The following PRKN variants were observed in gnomAD, a reference collection of about 807,000 sequenced individuals.
PRKN encodes the protein E3 ubiquitin-protein ligase parkin.
In PRKN, 56 loss-of-function variants were observed where a neutral mutation model predicts 59.5. The observed-to-expected ratio is 0.94, with a 90% CI of 0.76 to 1.18. PRKN has a LOEUF of 1.18. Among genes scored for constraint, PRKN ranks in the 50% most tolerant of loss-of-function variants. The pLI, the probability that PRKN is intolerant of heterozygous loss-of-function variation, is 0.00. For synonymous variants in PRKN, 250 were observed against 222.1 expected (o/e 1.13, Z -1.12); for missense variants, 657 against 596.4 (o/e 1.10, Z -1.06).
chr6:162,436,753 T>C (rs1789791688), intron 2 of PRKN, among the ~76,000 whole-genome samples: 1 of 149,844 alleles, frequency 6.7e-6, no homozygotes, highest in Non-Finnish European at 1.5e-5. Context: ...TAAATACTCA[T>C]CATGTCTATT....
At chr6:161,491,315 G>A (rs972468012) in intron 9 of PRKN, among the ~76,000 whole-genome samples, 2 of 152,128 alleles carry the variant, frequency 1.3e-5, no homozygotes, top group South Asian at 2.1e-4. Flanking sequence ...AGGCTTTCTC[G>A]ATTGCTCTGT....
intron 4 of PRKN, among the ~76,000 whole-genome samples, chr6:162,161,461 T>C (rs1470478355): frequency 6.6e-6 from 1 of 152,152 alleles, no homozygotes; most frequent in Admixed American, 6.5e-5. Flanking sequence ...AAATATAAAA[T>C]GAAAAATTTA....
At chr6:162,523,938 G>A (rs984685136) in intron 1 of PRKN, among the ~76,000 whole-genome samples, 5 of 152,130 alleles carry the variant, frequency 3.3e-5, no homozygotes, top group Non-Finnish European at 7.4e-5. Flanking sequence ...TAGTGTGAGT[G>A]TGAATAAGCA....
chr6:162,356,749 A>T (rs75418788), intron 2 of PRKN, among the ~76,000 whole-genome samples: 146 of 66,746 alleles, frequency 2.2e-3, no homozygotes, highest in African/African-American at 0.015. Context: ...ATTATTAGTA[A>T]AAAAAAAAAA....
chr6:161,809,105 T>C (rs1791456480), intron 6 of PRKN, among the ~76,000 whole-genome samples: 1 of 152,190 alleles, frequency 6.6e-6, no homozygotes, highest in African/African-American at 2.4e-5. Context: ...CCTCCCAAAG[T>C]ACTGGGATTA....
In PRKN at chr6:162,279,309, T is replaced by C. The variant is rs563601175; in HGVS notation, c.172-16544A>G. On this transcript the variant is annotated intron_variant, in intron 2 of 11. Transcript: ENST00000366898. ...GCTGACATTGCACCATTGCACTCCA[T>C]CCAGCCTGGACGACAGAGACTCCAT... 2.0e-5 allele frequency among the ~76,000 whole-genome samples: 3 copies of C among 146,904 alleles called. No individual in the cohort carries two copies. The Admixed American group carries it at 2.1e-4, about 10-fold the overall frequency.
intron 9 of PRKN, among the ~76,000 whole-genome samples, chr6:161,537,506 T>C (rs181432806): frequency 1.6e-3 from 237 of 152,028 alleles, no homozygotes; most frequent in Non-Finnish European, 2.2e-3. Flanking sequence ...GGCTGGAGTT[T>C]AGTGGCGTGA....
rs375932740 is a variant in PRKN, at chr6:162,179,074, G to A, written c.534+22057C>T. Among the ~76,000 whole-genome samples, 44 of 152,200 alleles carry A rather than the reference G, an allele frequency of 2.9e-4. 1 individual carries two copies. Among genetic ancestry groups the A allele is most frequent in the African/African-American group, 1.0e-3 (43 of 41,530 alleles). Reference sequence around the variant, plus strand: ...TTAAAATTTTTTTCGTAGAGACGGAGTCTCACTATTTCCCAGGCTGGTCTC... The same window carrying A: ...TTAAAATTTTTTTCGTAGAGACGGAATCTCACTATTTCCCAGGCTGGTCTC... On this transcript the variant is annotated intron_variant, in intron 4 of 11. Coordinates refer to ENST00000366898, the MANE Select transcript of PRKN (RefSeq NM_004562.3).
chr6:162,183,172 T>C (rs754808120), intron 4 of PRKN, among the ~76,000 whole-genome samples: 5 of 152,198 alleles, frequency 3.3e-5, no homozygotes, highest in African/African-American at 7.2e-5. Context: ...GGAGGCCCAA[T>C]GTGTTCTCAC....
At chr6:162,292,629 G>C (rs991368073) in intron 2 of PRKN, among the ~76,000 whole-genome samples, 1 of 152,140 alleles carries the variant, frequency 6.6e-6, no homozygotes, top group Non-Finnish European at 1.5e-5. Context: ...CCCATAAGAA[G>C]ATAAGTCTGA....
At position 162,081,562 on chromosome 6, in the gene PRKN, C is replaced by G. The variant is rs188851915; in HGVS notation, c.535-27388G>C. On this transcript the variant is annotated intron_variant, in intron 4 of 11. Coordinates refer to ENST00000366898, the MANE Select transcript of PRKN (RefSeq NM_004562.3). ...AGTGACCTTAAAATATCCAGTAAAC[C>G]GTGCTGTAAACAGGTGTGCTGTCAT... is the stretch of plus-strand genomic sequence containing the variant. 5.3e-5 allele frequency among the ~76,000 whole-genome samples: 8 copies of G among 152,150 alleles called. No individual in the cohort carries two copies. The East Asian group carries it at 1.5e-3, about 29-fold the overall frequency.
intron 7 of PRKN, among the ~76,000 whole-genome samples, chr6:161,696,901 A>G (rs897286197): frequency 6.6e-6 from 1 of 152,188 alleles, no homozygotes; most frequent in African/African-American, 2.4e-5. Context: ...TTGTAGGTAG[A>G]ACTGTGCATG....
intron 6 of PRKN, among the ~76,000 whole-genome samples, chr6:161,916,216 G>C (rs1778551960): frequency 6.6e-6 from 1 of 152,214 alleles, no homozygotes; most frequent in East Asian, 1.9e-4. Context: ...GAAGACATAA[G>C]ATACATTGGG....
intron 7 of PRKN, among the ~76,000 whole-genome samples, chr6:161,585,224 A>G (rs1479918052): frequency 2.0e-5 from 3 of 152,210 alleles, no homozygotes; most frequent in Non-Finnish European, 4.4e-5. Flanking sequence ...CTCAGAGAAA[A>G]CACAATCTAT....
chr6:161,447,752 C>G lies in PRKN; in HGVS notation c.1084-60875G>C, dbSNP rs1418825356. On this transcript the variant is annotated intron_variant, in intron 9 of 11. Transcript: ENST00000366898. The surrounding 1 kb of genome is among the most constrained non-coding windows in gnomAD (Gnocchi z 4.1). ...TCATGATCAGCCCGCCTCGGCCTCC[C>G]AATGTGCTGGGATTACAGGTATGAG... Among the ~76,000 whole-genome samples the G allele has an allele frequency of 6.6e-6, 1 of 152,206 alleles. No homozygotes were observed. Among genetic ancestry groups the G allele is most frequent in the African/African-American group, 2.4e-5 (1 of 41,454 alleles).
At chr6:162,661,779 G>C (rs1359103042) in intron 1 of PRKN, among the ~76,000 whole-genome samples, 1 of 152,202 alleles carries the variant, frequency 6.6e-6, no homozygotes, top group Non-Finnish European at 1.5e-5. Flanking sequence ...AAGGCACAGA[G>C]AAACAGTTAA....
chr6:162,595,188 C>T (rs1781453751), intron 1 of PRKN, among the ~76,000 whole-genome samples: 1 of 152,028 alleles, frequency 6.6e-6, no homozygotes, highest in African/African-American at 2.4e-5. Context: ...AAGAAAATCA[C>T]CTGAAACATA....
In PRKN at chr6:161,372,507, C is replaced by T. The variant is rs1785479727; in HGVS notation, c.1168-12302G>A. On this transcript the variant is annotated intron_variant, in intron 10 of 11. Transcript: ENST00000366898. This position sits in a 1 kb window ranked among gnomAD's most constrained non-coding sequence, Gnocchi z 4.2. ...ACATGTGTTGGGTGTCTAAGATGTG[C>T]CAGGCACTGTCCTGGACCCTGGGGA... 6.6e-6 allele frequency among the ~76,000 whole-genome samples: 1 copy of T among 152,166 alleles called. No homozygotes were observed. Among genetic ancestry groups the T allele is most frequent in the Non-Finnish European group, 1.5e-5 (1 of 68,032 alleles).
At chr6:162,167,230 C>T (rs951377762) in intron 4 of PRKN, among the ~76,000 whole-genome samples, 7 of 152,038 alleles carry the variant, frequency 4.6e-5, no homozygotes, top group African/African-American at 1.4e-4. Context: ...ATATCTGTTG[C>T]GATAGAGGTA....
Sources: gnomAD v4.1 joint callset for allele counts (sites outside exome capture counted in the v4.1 genomes callset) on GRCh38, gnomAD v4.1.1 for gene constraint, Gnocchi (gnomAD v3.1) non-coding constraint, MANE v1.5 for transcripts, NCBI Gene and HGNC (gene_info 2026-07-23, HGNC 2026-07-21) for gene names.